The following GPC5 variants were observed in gnomAD, a reference collection of about 807,000 sequenced individuals.
GPC5 encodes the protein glypican 5.
A neutral mutation model predicts 53.9 loss-of-function variants in GPC5; 47 were observed. The observed-to-expected ratio is 0.87, with a 90% CI of 0.69 to 1.11. The LOEUF (loss-of-function observed/expected upper bound fraction) is 1.11. Among genes scored for constraint, GPC5 ranks in the 50% most tolerant of loss-of-function variants. The pLI, the probability that GPC5 is intolerant of heterozygous loss-of-function variation, is 0.00. For missense variants in GPC5, 748 were observed against 713.1 expected (o/e 1.05, Z -0.56); for synonymous variants, 286 against 263.3 (o/e 1.09, Z -0.84).
At chr13:92,368,634 TAAA>T (rs34793615) in intron 7 of GPC5, among the ~76,000 whole-genome samples, 1,148 of 66,310 alleles carry the variant, frequency 0.017, 19 homozygotes, top group Middle Eastern at 0.14. Flanking sequence ...AAGACTGTCT[TAAA>T]AAAAAAAAAA....
chr13:91,400,839 A>G (rs1181221026), intron 1 of GPC5, among the ~76,000 whole-genome samples: 1 of 152,190 alleles, frequency 6.6e-6, no homozygotes, highest in Non-Finnish European at 1.5e-5. Context: ...AGTCACTGAG[A>G]CAGTGTCTTA....
chr13:92,348,359 G>T (rs2043445693), intron 7 of GPC5, among the ~76,000 whole-genome samples: 1 of 151,476 alleles, frequency 6.6e-6, no homozygotes, highest in East Asian at 1.9e-4. Context: ...ATAATAAAGG[G>T]GTCAATTTAT....
At chr13:91,550,659 T>G (rs1051258342) in intron 2 of GPC5, among the ~76,000 whole-genome samples, 1 of 152,088 alleles carries the variant, frequency 6.6e-6, no homozygotes, top group Non-Finnish European at 1.5e-5. Flanking sequence ...AGCGTGGCCT[T>G]GAATAAAATT....
intron 5 of GPC5, among the ~76,000 whole-genome samples, chr13:91,826,833 A>G (rs527258751): frequency 6.6e-6 from 1 of 152,186 alleles, no homozygotes; most frequent in East Asian, 1.9e-4. Context: ...GTGTGTATGT[A>G]TGTGCATGTC....
intron 7 of GPC5, among the ~76,000 whole-genome samples, chr13:92,352,988 C>T (rs1458727809): frequency 3.3e-5 from 5 of 152,058 alleles, no homozygotes; most frequent in East Asian, 1.9e-4. Context: ...AGGCCGGGCG[C>T]GGTGGCTCAC....
At chr13:91,606,427 G>T (rs2033369600) in intron 2 of GPC5, among the ~76,000 whole-genome samples, 1 of 151,030 alleles carries the variant, frequency 6.6e-6, no homozygotes, top group African/African-American at 2.4e-5. Context: ...TTTTATTGTT[G>T]TGTCTCTGCC....
At chr13:92,254,042 G>A (rs1298916012) in intron 7 of GPC5, among the ~76,000 whole-genome samples, 4 of 152,064 alleles carry the variant, frequency 2.6e-5, no homozygotes, top group Admixed American at 2.6e-4. Flanking sequence ...AGAGATGGAA[G>A]AAGAAAAAGT....
At chr13:92,615,762 T>C (rs1478921938) in intron 7 of GPC5, among the ~76,000 whole-genome samples, 1 of 152,118 alleles carries the variant, frequency 6.6e-6, no homozygotes, top group Non-Finnish European at 1.5e-5. Flanking sequence ...CCAATAAAAC[T>C]TCCCCTACCA....
At chr13:92,108,889 A>G (rs1440478830) in intron 6 of GPC5, among the ~76,000 whole-genome samples, 1 of 152,068 alleles carries the variant, frequency 6.6e-6, no homozygotes, top group African/African-American at 2.4e-5. Flanking sequence ...TAGCCATCGT[A>G]TGTAAATTAC....
intron 7 of GPC5, among the ~76,000 whole-genome samples, chr13:92,385,758 T>TATATATAC (rs1874669221): frequency 9.5e-5 from 9 of 95,144 alleles, no homozygotes; most frequent in African/African-American, 3.5e-4. Context: ...TACACGTGTA[T>TATATATAC]ATATATACGT....
In GPC5 at chr13:91,888,113, A is replaced by G. The variant is rs186290061; in HGVS notation, c.1281-19824A>G. ...AGGTTTAATGGATACACAGTTCCAC[A>G]TAGCTGGGGAGGCCTCACAATCATG... On this transcript the variant is annotated intron_variant, in intron 5 of 7. Transcript: ENST00000377067. Among the ~76,000 whole-genome samples, 587 of 152,314 alleles carry G rather than the reference A, an allele frequency of 3.9e-3. 5 individuals are homozygous for G. Among genetic ancestry groups the G allele is most frequent in the Middle Eastern group, 3.4e-3 (1 of 294 alleles).
At chr13:92,415,312 A>C (rs779374802) in intron 7 of GPC5, among the ~76,000 whole-genome samples, 2 of 152,230 alleles carry the variant, frequency 1.3e-5, no homozygotes, top group African/African-American at 4.8e-5. Flanking sequence ...TGGATGTGAA[A>C]GACCAGTTAG....
chr13:91,581,566 G>A (rs2032361288), intron 2 of GPC5, among the ~76,000 whole-genome samples: 1 of 152,102 alleles, frequency 6.6e-6, no homozygotes, highest in South Asian at 2.1e-4. Context: ...TAATCCCTGA[G>A]AAGGATATAT....
chr13:92,296,305 G>A (rs1008239204), intron 7 of GPC5, among the ~76,000 whole-genome samples: 155 of 152,150 alleles, frequency 1.0e-3, no homozygotes, highest in African/African-American at 3.5e-3. Flanking sequence ...GAGGAACAAC[G>A]TTGGGTGGGG....
intron 7 of GPC5, among the ~76,000 whole-genome samples, chr13:92,781,035 A>T (rs1876008267): frequency 1.3e-5 from 2 of 152,166 alleles, no homozygotes. Context: ...GTGCACACGC[A>T]CACATATACA....
At chr13:92,527,203 A>AAGAAAGAAAGAAAGAAAG (rs1881358715) in intron 7 of GPC5, among the ~76,000 whole-genome samples, 1 of 29,028 alleles carries the variant, frequency 3.4e-5, no homozygotes, top group Non-Finnish European at 5.3e-5. Context: ...GAAAGAAAGA[A>AAGAAAGAAAGAAAGAAAG]AGAAAGAAAG....
chr13:91,741,371 A>T (rs2036929755), intron 4 of GPC5, among the ~76,000 whole-genome samples: 1 of 152,218 alleles, frequency 6.6e-6, no homozygotes, highest in African/African-American at 2.4e-5. Flanking sequence ...AGCAAAGAGG[A>T]CACTTGAAAT....
At chr13:92,690,627 G>C (rs1887354157) in intron 7 of GPC5, among the ~76,000 whole-genome samples, 1 of 145,460 alleles carries the variant, frequency 6.9e-6, no homozygotes, top group Non-Finnish European at 1.5e-5. Flanking sequence ...CGTTCCTTTG[G>C]AGGAGGAGAG....
At chr13:91,908,634 A>G (rs574564107) in intron 6 of GPC5, among the ~76,000 whole-genome samples, 4 of 152,252 alleles carry the variant, frequency 2.6e-5, no homozygotes, top group Non-Finnish European at 5.9e-5. Context: ...ATACATGGCA[A>G]ATGAAGCATG....
Sources: gnomAD v4.1 joint callset for allele counts (sites outside exome capture counted in the v4.1 genomes callset) on GRCh38, gnomAD v4.1.1 for gene constraint, MANE v1.5 for transcripts, NCBI Gene and HGNC (gene_info 2026-07-23, HGNC 2026-07-21) for gene names.